FLI1: variants seen among roughly 807,000 people sequenced by gnomAD.
FLI1 encodes the protein Fli-1 proto-oncogene, ETS transcription factor.
A neutral mutation model predicts 53.1 loss-of-function variants in FLI1; 13 were observed. That is an observed-to-expected ratio of 0.24 (90% confidence interval 0.16 to 0.39). The LOEUF (loss-of-function observed/expected upper bound fraction) is 0.39, where lower values mean the gene tolerates loss of function less well. Among genes scored for constraint, FLI1 ranks in the 10% least tolerant of loss-of-function variants. The pLI is 1.00. For missense variants in FLI1, 424 were observed against 600.5 expected (o/e 0.71, Z 3.07); for synonymous variants, 244 against 236.7 (o/e 1.03, Z -0.28).
chr11:128,784,971 G>A (rs1470258176), intron 5 of FLI1, among the ~76,000 whole-genome samples: 2 of 152,204 alleles, frequency 1.3e-5, no homozygotes, highest in Non-Finnish European at 2.9e-5. Flanking sequence ...GTCTATTAAT[G>A]TCTTCAAAGC....
upstream of FLI1, chr11:128,693,670 T>G: frequency 2.6e-5 from 6 of 227,414 alleles, no homozygotes; most frequent in Non-Finnish European, 3.5e-5. Context: ...TGGCTTTGGA[T>G]TTTGGGGGAA....
At chr11:128,729,703 G>A (rs1939617916) in intron 1 of FLI1, among the ~76,000 whole-genome samples, 1 of 152,076 alleles carries the variant, frequency 6.6e-6, no homozygotes, top group Non-Finnish European at 1.5e-5. Flanking sequence ...TTAAAAGGAT[G>A]GCAACCAGAT....
chr11:128,729,938 T>C (rs1165303740), intron 1 of FLI1, among the ~76,000 whole-genome samples: 3 of 152,246 alleles, frequency 2.0e-5, no homozygotes, highest in African/African-American at 7.2e-5. Flanking sequence ...CCATGTTGAT[T>C]AAGTGGCCCT....
At chr11:128,766,540 C>T (rs1941346706) in intron 2 of FLI1, among the ~76,000 whole-genome samples, 1 of 152,068 alleles carries the variant, frequency 6.6e-6, no homozygotes, top group Non-Finnish European at 1.5e-5. Flanking sequence ...AAGTGATCTT[C>T]AATATTTTTT....
At chr11:128,747,210 G>A (rs558999017) in intron 1 of FLI1, among the ~76,000 whole-genome samples, 1 of 152,352 alleles carries the variant, frequency 6.6e-6, no homozygotes, top group South Asian at 2.1e-4. Context: ...CCCATCACCT[G>A]CCCTTTCTTT....
intron 1 of FLI1, among the ~76,000 whole-genome samples, chr11:128,699,441 A>G (rs1362884438): frequency 2.0e-5 from 3 of 152,220 alleles, no homozygotes; most frequent in Non-Finnish European, 4.4e-5. Context: ...TAAGTAGGCT[A>G]AGGGACATTG....
chr11:128,752,007 A>G (rs769006724), intron 1 of FLI1, among the ~76,000 whole-genome samples: 16 of 150,462 alleles, frequency 1.1e-4, no homozygotes, highest in Non-Finnish European at 2.1e-4. Flanking sequence ...ACAGAGGCTC[A>G]CTCTATTGCC....
Position 128,811,674 on chromosome 11 carries a change from G to A in FLI1, c.*686G>A, listed in dbSNP as rs563472268. On this transcript the variant is annotated 3_prime_UTR_variant, in exon 9 of 9. Coordinates refer to ENST00000527786, the MANE Select transcript of FLI1 (RefSeq NM_002017.5). ...GCAAATACATACATTCCTGAAAGAC[G>A]GGGAATTAAATTACTAATTTTTTTT... is the stretch of plus-strand genomic sequence containing the variant. 9.2e-5 allele frequency: 19 copies of A among 206,126 alleles called. No individual in the cohort carries two copies. Among genetic ancestry groups the A allele is most frequent in the African/African-American group, 3.2e-4 (14 of 43,714 alleles). 12.8% of individuals were successfully genotyped at this position (206,126 alleles called of 1,614,324 possible). A position where few individuals can be genotyped will look rare whatever the true frequency, so the allele number is the denominator to read the frequency against.
intron 1 of FLI1, among the ~76,000 whole-genome samples, chr11:128,730,336 C>T (rs1283653767): frequency 1.3e-5 from 2 of 152,230 alleles, no homozygotes; most frequent in African/African-American, 2.4e-5. Flanking sequence ...CGTTTACGCT[C>T]ACCTTTGTGG....
intron 6 of FLI1, chr11:128,805,850 A>G (rs895810109): frequency 6.4e-6 from 1 of 156,952 alleles, no homozygotes; most frequent in African/African-American, 2.4e-5. Context: ...TCATATCATC[A>G]TCTCACCACT....
chr11:128,783,524 C>T (rs775515771), intron 5 of FLI1, among the ~76,000 whole-genome samples: 2 of 152,140 alleles, frequency 1.3e-5, no homozygotes, highest in East Asian at 3.8e-4. Context: ...TTGTCATGAA[C>T]GCTGAATTTC....
Position 128,772,847 on chromosome 11 carries a change from T to C in FLI1, c.451T>C (p.Leu151=), listed in dbSNP as rs766752439. 1.9e-5 allele frequency: 30 copies of C among 1,613,796 alleles called. No homozygotes were observed. Among genetic ancestry groups the C allele is most frequent in the Non-Finnish European group, 1.9e-5 (23 of 1,179,872 alleles). ...WLEWAIKEYS[L]MEIDTSFFQN... ...GGAGTGGGCCATAAAGGAGTACAGC[T>C]TGATGGAGATCGACACATCCTTTTT... The change falls in exon 4 of 9, where the codon TTG becomes CTG. Residue 151 remains leucine (L), a synonymous_variant. Coordinates refer to ENST00000527786, the MANE Select transcript of FLI1 (RefSeq NM_002017.5).
intron 1 of FLI1, among the ~76,000 whole-genome samples, chr11:128,756,073 AC>A (rs1347811891): frequency 1.3e-5 from 2 of 152,256 alleles, no homozygotes; most frequent in Non-Finnish European, 2.9e-5. Flanking sequence ...AATGTGAATT[AC>A]ACAAGGAAGG....
intron 1 of FLI1, among the ~76,000 whole-genome samples, chr11:128,707,762 G>C (rs1938612738): frequency 1.3e-5 from 2 of 152,024 alleles, no homozygotes; most frequent in African/African-American, 4.8e-5. Flanking sequence ...GTTTGGACAG[G>C]GTATGACCCA....
intron 4 of FLI1, 149 bp from the exon 5 acceptor site, chr11:128,781,809 C>T (rs1368017609): frequency 3.0e-6 from 2 of 660,944 alleles, no homozygotes; most frequent in East Asian, 5.3e-5. Flanking sequence ...CAAATGGATT[C>T]CATTCGCTTT....
chr11:128,808,949 C>A (rs1262573572), intron 7 of FLI1, among the ~76,000 whole-genome samples: 1 of 152,152 alleles, frequency 6.6e-6, no homozygotes, highest in African/African-American at 2.4e-5. Context: ...TGTTCCTATT[C>A]TTTGTTCTTT....
In FLI1 at chr11:128,715,633, C is replaced by T. The variant is rs183638898; in HGVS notation, c.18+21357C>T. 4.6e-5 allele frequency among the ~76,000 whole-genome samples: 7 copies of T among 152,304 alleles called. No homozygotes were observed. The East Asian group carries it at 1.2e-3, about 25-fold the overall frequency. ...TCTAGAGAGAAAACAGCATTTCTAC[C>T]TTCTTGCAATGGAAACAATAGGCTT... On this transcript the variant is annotated intron_variant, in intron 1 of 8. Coordinates refer to ENST00000527786, the MANE Select transcript of FLI1 (RefSeq NM_002017.5).
At position 128,810,447 on chromosome 11, in the gene FLI1, C is replaced by G. The variant is rs1310655280; in HGVS notation, c.830-12C>G. ...GTGTTCTGTTCTCTCCCGTTTGCCT[C>G]ACGGCGTGCAGGAAGCGGGCAGATC... On this transcript the variant is annotated splice_polypyrimidine_tract_variant and intron_variant, in intron 8 of 8. Transcript: ENST00000527786. This position sits in a 1 kb window ranked among gnomAD's most constrained non-coding sequence, Gnocchi z 6.6. The G allele has an allele frequency of 1.9e-6, 3 of 1,581,330 alleles. No homozygotes were observed. Among genetic ancestry groups the G allele is most frequent in the Admixed American group, 1.8e-5 (1 of 55,226 alleles).
At chr11:128,804,269 C>G (rs1370597832) in intron 5 of FLI1, 2 of 152,212 alleles carry the variant, frequency 1.3e-5, no homozygotes, top group African/African-American at 4.8e-5. Context: ...CCCCGTCAGA[C>G]TCTGTTGTTT....
Sources: allele counts gnomAD v4.1 joint callset (sites outside exome capture counted in the v4.1 genomes callset), GRCh38; gene constraint gnomAD v4.1.1; non-coding constraint Gnocchi (gnomAD v3.1); transcripts MANE v1.5; gene names NCBI Gene and HGNC (gene_info 2026-07-23, HGNC 2026-07-21).